Variants in CAMKMT observed in about 807,000 individuals in gnomAD.
CAMKMT encodes calmodulin-lysine N-methyltransferase, also known as CaM KMT.
Under a neutral mutation model 48.0 loss-of-function variants are expected in CAMKMT, and 53 were observed. The observed-to-expected ratio is 1.10, with a 90% CI of 0.89 to 1.39. The LOEUF (loss-of-function observed/expected upper bound fraction) is 1.39, where lower values mean the gene tolerates loss of function less well. CAMKMT is among the 40% of genes most tolerant of loss of function. The pLI is 0.00. For synonymous variants in CAMKMT, 165 were observed against 152.3 expected (o/e 1.08, Z -0.61); for missense variants, 428 against 402.7 (o/e 1.06, Z -0.54).
intron 3 of CAMKMT, among the ~76,000 whole-genome samples, chr2:44,536,379 C>G (rs1353258471): frequency 6.6e-6 from 1 of 151,000 alleles, no homozygotes; most frequent in Non-Finnish European, 1.5e-5. Context: ...GGCTGGAGTG[C>G]AGTGGTGTGA....
At chr2:44,415,049 G>A (rs957715850) in intron 3 of CAMKMT, among the ~76,000 whole-genome samples, 1 of 152,198 alleles carries the variant, frequency 6.6e-6, no homozygotes, top group Non-Finnish European at 1.5e-5. Flanking sequence ...CTACTCAGGA[G>A]GCTGAGGCAG....
At chr2:44,384,412 C>G (rs1680563028) in intron 2 of CAMKMT, among the ~76,000 whole-genome samples, 1 of 151,528 alleles carries the variant, frequency 6.6e-6, no homozygotes, top group Admixed American at 6.6e-5. Flanking sequence ...AAGATTTTCT[C>G]CCACTCTCTG....
chr2:44,719,223 C>A (rs1450817722), intron 7 of CAMKMT, among the ~76,000 whole-genome samples: 1 of 152,130 alleles, frequency 6.6e-6, no homozygotes, highest in Admixed American at 6.6e-5. Flanking sequence ...TAAATCCTTC[C>A]TTCTAGGATG....
chr2:44,423,953 A>C (rs1684099773), intron 3 of CAMKMT, among the ~76,000 whole-genome samples: 1 of 152,184 alleles, frequency 6.6e-6, no homozygotes, highest in African/African-American at 2.4e-5. Context: ...ACCACCCGCC[A>C]ACATTCCTGA....
At chr2:44,638,605 A>C (rs747198913) in intron 3 of CAMKMT, among the ~76,000 whole-genome samples, 3 of 152,184 alleles carry the variant, frequency 2.0e-5, no homozygotes, top group Non-Finnish European at 2.9e-5. Context: ...GAAAGGAAAT[A>C]CTCTAAAATA....
At chr2:44,552,471 A>G (rs1054368539) in intron 3 of CAMKMT, among the ~76,000 whole-genome samples, 2 of 152,164 alleles carry the variant, frequency 1.3e-5, no homozygotes, top group Non-Finnish European at 2.9e-5. Context: ...TTTACAGTCA[A>G]TAACAACTCC....
chr2:44,614,395 G>A (rs1671758944), intron 3 of CAMKMT, among the ~76,000 whole-genome samples: 1 of 152,224 alleles, frequency 6.6e-6, no homozygotes, highest in South Asian at 2.1e-4. Context: ...CTGGGGAACA[G>A]TTGCATTGCA....
intron 3 of CAMKMT, among the ~76,000 whole-genome samples, chr2:44,591,756 A>G (rs536119151): frequency 6.6e-5 from 10 of 152,048 alleles, no homozygotes; most frequent in East Asian, 1.9e-4. Context: ...ATAAAGACAC[A>G]TGCACACGTA....
chr2:44,643,533 G>C (rs1458155679), intron 3 of CAMKMT, among the ~76,000 whole-genome samples: 1 of 152,096 alleles, frequency 6.6e-6, no homozygotes, highest in African/African-American at 2.4e-5. Context: ...GAGTTTTCTA[G>C]CTAAAGGAAA....
At chr2:44,368,540 G>A (rs1208353837) in intron 1 of CAMKMT, among the ~76,000 whole-genome samples, 1 of 152,062 alleles carries the variant, frequency 6.6e-6, no homozygotes. Context: ...TTGTCATACT[G>A]TAGATCATGC....
In CAMKMT at chr2:44,434,515, A is replaced by G. The variant is rs563574665; in HGVS notation, c.376+44210A>G. On this transcript the variant is annotated intron_variant, in intron 3 of 10. Coordinates refer to ENST00000378494, the MANE Select transcript of CAMKMT (RefSeq NM_024766.5). ...ATTGACAATCTGACCTAAGCTCTCCATTTATGCCCTAATTGTAATATTGTC... is the reference window on the plus strand; with the variant it reads ...ATTGACAATCTGACCTAAGCTCTCCGTTTATGCCCTAATTGTAATATTGTC... Among the ~76,000 whole-genome samples, 396 of 152,262 alleles carry G rather than the reference A, an allele frequency of 2.6e-3. 2 individuals are homozygous for G. The highest frequency in any genetic ancestry group is 4.6e-3 in the Non-Finnish European group (312 of 68,014).
At chr2:44,687,827 C>G (rs963362496) in intron 3 of CAMKMT, among the ~76,000 whole-genome samples, 2 of 152,204 alleles carry the variant, frequency 1.3e-5, no homozygotes, top group African/African-American at 4.8e-5. Flanking sequence ...GCTGCTTCCT[C>G]CATCAAAGCA....
At chr2:44,499,153 T>C (rs1409967852) in intron 3 of CAMKMT, among the ~76,000 whole-genome samples, 1 of 152,218 alleles carries the variant, frequency 6.6e-6, no homozygotes, top group East Asian at 1.9e-4. Flanking sequence ...ATACATCTAA[T>C]CATTTATCCT....
intron 3 of CAMKMT, among the ~76,000 whole-genome samples, chr2:44,693,815 A>G (rs1676790371): frequency 6.6e-6 from 1 of 152,178 alleles, no homozygotes; most frequent in Admixed American, 6.5e-5. Context: ...CTACCCGTGC[A>G]TTTATTCTTC....
chr2:44,432,584 A>G (rs1037169784), intron 3 of CAMKMT, among the ~76,000 whole-genome samples: 16 of 152,210 alleles, frequency 1.1e-4, no homozygotes, highest in African/African-American at 3.6e-4. Flanking sequence ...ACTTCTTGAC[A>G]TTATTTTCCA....
chr2:44,495,930 T>G (rs1271027508), intron 3 of CAMKMT, among the ~76,000 whole-genome samples: 2 of 152,210 alleles, frequency 1.3e-5, no homozygotes, highest in Non-Finnish European at 2.9e-5. Flanking sequence ...TCACATGTCT[T>G]TGGCAGAATC....
intron 3 of CAMKMT, among the ~76,000 whole-genome samples, chr2:44,638,565 T>C (rs1238243902): frequency 6.6e-6 from 1 of 152,230 alleles, no homozygotes; most frequent in Non-Finnish European, 1.5e-5. Context: ...GTATCTATTG[T>C]CTTTCAAATG....
Position 44,706,395 on chromosome 2 carries a change from T to C in CAMKMT, c.492+54T>C, listed in dbSNP as rs192672257. 2.5e-6 allele frequency: 4 copies of C among 1,569,152 alleles called. No individual in the cohort carries two copies. In the South Asian group the frequency reaches 3.3e-5, roughly 13 times the overall value. On this transcript the variant is annotated intron_variant, in intron 5 of 10. Transcript: ENST00000378494. ...TCAGAGGGAGGAACAAAAGGAAAAA[T>C]GTTCCAGGGCCTCCAACTGCTGGGT...
At chr2:44,575,227 T>C (rs1016708386) in intron 3 of CAMKMT, among the ~76,000 whole-genome samples, 2 of 151,964 alleles carry the variant, frequency 1.3e-5, no homozygotes, top group Non-Finnish European at 2.9e-5. Flanking sequence ...TACAGGCACA[T>C]ACCACCACTC....
Sources: gnomAD v4.1 joint callset for allele counts (sites outside exome capture counted in the v4.1 genomes callset) on GRCh38, gnomAD v4.1.1 for gene constraint, MANE v1.5 for transcripts, NCBI Gene and HGNC (gene_info 2026-07-23, HGNC 2026-07-21) for gene names.